The following ZNF536 variants were observed in gnomAD, a reference collection of about 807,000 sequenced individuals.
ZNF536 encodes the protein zinc finger protein 536.
ZNF536 carries 13 observed loss-of-function variants against 84.5 expected under a neutral mutation model. That is an observed-to-expected ratio of 0.15 (90% confidence interval 0.10 to 0.24). ZNF536 has a LOEUF of 0.24. Among genes scored for constraint, ZNF536 ranks in the 10% least tolerant of loss-of-function variants. ZNF536 has a pLI of 1.00. For missense variants in ZNF536, 1,536 were observed against 1,747.5 expected, an observed-to-expected ratio of 0.88 and a Z score of 2.16; for synonymous variants, 811 against 742.5, an observed-to-expected ratio of 1.09 and a Z score of -1.50.
chr19:30,417,393 C>A (rs1474174699), intron 1 of ZNF536, among the ~76,000 whole-genome samples: 3 of 151,804 alleles, frequency 2.0e-5, no homozygotes, highest in Admixed American at 1.3e-4. Context: ...GGGAATTATT[C>A]TATGTGAAAA....
At chr19:30,361,231 C>T (rs369505036) in intron 3 of ZNF536, among the ~76,000 whole-genome samples, 21 of 152,374 alleles carry the variant, frequency 1.4e-4, no homozygotes, top group Admixed American at 1.2e-3. Context: ...CGGCACCCGA[C>T]GGGAGAACTC....
intron 1 of ZNF536, among the ~76,000 whole-genome samples, chr19:30,623,020 G>GC (rs2048539855): frequency 7.7e-6 from 1 of 129,542 alleles, no homozygotes; most frequent in African/African-American, 3.0e-5. Flanking sequence ...AAAATCTTGT[G>GC]TTTTTTTTTT....
At chr19:30,334,424 G>C (rs935749297) in intron 2 of ZNF536, among the ~76,000 whole-genome samples, 5 of 152,176 alleles carry the variant, frequency 3.3e-5, no homozygotes, top group African/African-American at 7.2e-5. Flanking sequence ...TTAACCTCCT[G>C]CTTCTCAGAC....
intron 1 of ZNF536, among the ~76,000 whole-genome samples, chr19:30,710,262 GC>G (rs1418682322): frequency 6.6e-6 from 1 of 152,156 alleles, no homozygotes; most frequent in Non-Finnish European, 1.5e-5. Context: ...TCTAGCTAGA[GC>G]CTGGTGTGGT....
chr19:30,669,552 T>G (rs1209730387), intron 1 of ZNF536, among the ~76,000 whole-genome samples: 4 of 152,312 alleles, frequency 2.6e-5, no homozygotes, highest in Non-Finnish European at 5.9e-5. Flanking sequence ...CTCCCTGTCC[T>G]CAGCCCCGGA....
At chr19:30,470,143 T>C (rs932526420) in intron 2 of ZNF536, among the ~76,000 whole-genome samples, 4 of 152,228 alleles carry the variant, frequency 2.6e-5, no homozygotes, top group Admixed American at 6.5e-5. Context: ...GCAGGAGGCT[T>C]TCTGTCTGCC....
intron 1 of ZNF536, among the ~76,000 whole-genome samples, chr19:30,707,390 G>A (rs1049723181): frequency 3.9e-5 from 6 of 151,900 alleles, no homozygotes; most frequent in Non-Finnish European, 8.8e-5. Context: ...GTTGTCCTTC[G>A]CCTCCCAACC....
intron 2 of ZNF536, among the ~76,000 whole-genome samples, chr19:30,288,044 A>G (rs538628157): frequency 1.3e-5 from 2 of 152,364 alleles, no homozygotes; most frequent in Non-Finnish European, 2.9e-5. Context: ...TGGAAAAACT[A>G]TGTCTAGAAC....
intron 2 of ZNF536, among the ~76,000 whole-genome samples, chr19:30,515,954 G>A (rs1214303561): frequency 6.7e-6 from 1 of 149,648 alleles, no homozygotes; most frequent in African/African-American, 2.5e-5. Flanking sequence ...TTGAACCCAG[G>A]AGGCGGAGGT....
intron 2 of ZNF536, among the ~76,000 whole-genome samples, chr19:30,299,596 A>G (rs901747541): frequency 1.3e-5 from 2 of 152,190 alleles, no homozygotes; most frequent in African/African-American, 4.8e-5. Flanking sequence ...TAAGATCACA[A>G]TATGATTTTG....
chr19:30,533,374 G>A (rs2145911539), intron 2 of ZNF536, among the ~76,000 whole-genome samples: 2 of 152,242 alleles, frequency 1.3e-5, no homozygotes, highest in African/African-American at 4.8e-5. Flanking sequence ...TAGAAACTTA[G>A]CAAGGCATGG....
intron 1 of ZNF536, among the ~76,000 whole-genome samples, chr19:30,609,942 GCATC>G (rs1444903710): frequency 3.2e-5 from 3 of 94,106 alleles, no homozygotes; most frequent in East Asian, 2.8e-4. Context: ...ATCCATCCAT[GCATC>G]CATCCATCCA....
At chr19:30,416,966 C>A (rs2050757316) in intron 1 of ZNF536, among the ~76,000 whole-genome samples, 1 of 151,630 alleles carries the variant, frequency 6.6e-6, no homozygotes, top group Admixed American at 6.6e-5. Context: ...CTGATCCCAT[C>A]TATATTATTT....
At chr19:30,462,471 C>A (rs551087159) in intron 2 of ZNF536, among the ~76,000 whole-genome samples, 1 of 151,720 alleles carries the variant, frequency 6.6e-6, no homozygotes, top group African/African-American at 2.4e-5. Flanking sequence ...TCCCTCTGTG[C>A]CTGTGTGTAT....
rs146998560 is a variant in ZNF536, at chr19:30,624,119, G to A, written c.169+74605G>A. On this transcript the variant is annotated intron_variant, in intron 1 of 1. Coordinates refer to the ZNF536 transcript ENST00000592773. Reference sequence around the variant, plus strand: ...GTGTGGCACTCTGGGGTGTGGGTATGCCTTGGGAGCCCTATAATAGCATAG... The same window carrying A: ...GTGTGGCACTCTGGGGTGTGGGTATACCTTGGGAGCCCTATAATAGCATAG... Among the ~76,000 whole-genome samples the A allele has an allele frequency of 1.1e-3, 162 of 152,252 alleles. 1 individual carries two copies. The highest frequency in any genetic ancestry group is 3.4e-3 in the African/African-American group (142 of 41,536).
At chr19:30,350,986 C>T (rs895814453) in intron 2 of ZNF536, among the ~76,000 whole-genome samples, 5 of 152,064 alleles carry the variant, frequency 3.3e-5, no homozygotes, top group African/African-American at 1.2e-4. Flanking sequence ...TGGTCTGTGC[C>T]CTGTGGACAA....
At chr19:30,597,760 TTTG>T (rs1274832605) in intron 1 of ZNF536, among the ~76,000 whole-genome samples, 2 of 152,200 alleles carry the variant, frequency 1.3e-5, no homozygotes, top group Non-Finnish European at 2.9e-5. Flanking sequence ...TATGCATAGT[TTTG>T]TTGTTGTTTT....
chr19:30,236,107 A>G (rs963469148), intron 1 of ZNF536, among the ~76,000 whole-genome samples: 2 of 152,176 alleles, frequency 1.3e-5, no homozygotes, highest in Non-Finnish European at 2.9e-5. Flanking sequence ...TGGGAATGCG[A>G]GGAGGAAGAA....
chr19:30,497,614 TG>T (rs1250894275), intron 2 of ZNF536, among the ~76,000 whole-genome samples: 2 of 152,224 alleles, frequency 1.3e-5, no homozygotes, highest in Admixed American at 1.3e-4. Context: ...TAAACCCACC[TG>T]AGTGGCCCAA....
Sources: allele counts gnomAD v4.1 joint callset (sites outside exome capture counted in the v4.1 genomes callset), GRCh38; gene constraint gnomAD v4.1.1; transcripts MANE v1.5; gene names NCBI Gene and HGNC (gene_info 2026-07-23, HGNC 2026-07-21).